KLHL13: variants seen among roughly 807,000 people sequenced by gnomAD.
The protein encoded by KLHL13 is kelch like family member 13.
A neutral mutation model predicts 37.1 loss-of-function variants in KLHL13; 10 were observed. The ratio of observed to expected loss-of-function variants is 0.27; its 90% CI spans 0.17 to 0.46. The LOEUF is 0.46. Ranked by LOEUF, KLHL13 falls within the 20% of genes least tolerant of loss-of-function variation. KLHL13 has a pLI of 1.00. For synonymous variants in KLHL13, 163 were observed against 181.2 expected (o/e 0.90, Z 0.81); for missense variants, 360 against 509.3 (o/e 0.71, Z 2.82).
intron 1 of KLHL13, among the ~76,000 whole-genome samples, chrX:118,032,469 C>A (rs994780782): frequency 8.9e-6 from 1 of 111,906 alleles, no homozygotes; most frequent in African/African-American, 3.3e-5. Flanking sequence ...AGGCACCCCC[C>A]AGCAGGGGCA....
intron 1 of KLHL13, among the ~76,000 whole-genome samples, chrX:117,967,402 T>C (rs1286981186): frequency 9.0e-6 from 1 of 111,183 alleles, no homozygotes. Context: ...CCATACTTCT[T>C]TCTCATCGCT....
chrX:118,065,317 G>A (rs2054782921), intron 1 of KLHL13, among the ~76,000 whole-genome samples: 2 of 111,095 alleles, frequency 1.8e-5, no homozygotes, highest in Non-Finnish European at 3.8e-5. Flanking sequence ...AAAGGTAAAT[G>A]TATACCAACC....
At chrX:117,965,001 G>A (rs768819204) in intron 1 of KLHL13, among the ~76,000 whole-genome samples, 14 of 111,758 alleles carry the variant, frequency 1.3e-4, no homozygotes, top group African/African-American at 3.9e-4. Context: ...TGGACATTTG[G>A]GTTGGTTTCA....
intron 1 of KLHL13, among the ~76,000 whole-genome samples, chrX:117,948,611 A>G (rs1167290131): frequency 9.0e-6 from 1 of 111,639 alleles, no homozygotes; most frequent in Non-Finnish European, 1.9e-5. Context: ...AAGATTATTC[A>G]TGGGAGAGAC....
chrX:118,116,224 A>G (rs1157230189), intron 1 of KLHL13, among the ~76,000 whole-genome samples: 3 of 111,928 alleles, frequency 2.7e-5, no homozygotes, highest in Non-Finnish European at 5.6e-5. Context: ...GAGAGATGAC[A>G]AAGAAGCACA....
intron 1 of KLHL13, among the ~76,000 whole-genome samples, chrX:118,084,536 A>G (rs1030246599): frequency 8.9e-6 from 1 of 112,121 alleles, no homozygotes; most frequent in African/African-American, 3.2e-5. Context: ...CAATGAGGAT[A>G]CATTTATAAA....
chrX:117,987,289 G>T (rs1035441377), intron 1 of KLHL13, among the ~76,000 whole-genome samples: 1 of 111,463 alleles, frequency 9.0e-6, no homozygotes, highest in African/African-American at 3.3e-5. Flanking sequence ...TAAACAAAAG[G>T]AATTCATGAA....
intron 1 of KLHL13, among the ~76,000 whole-genome samples, chrX:118,062,285 G>T (rs2054750681): frequency 9.0e-6 from 1 of 110,742 alleles, no homozygotes; most frequent in South Asian, 3.8e-4. Flanking sequence ...CATTTTGAGA[G>T]TCTGTAATTT....
At chrX:117,949,582 C>T (rs758206106) in intron 1 of KLHL13, among the ~76,000 whole-genome samples, 1 of 111,848 alleles carries the variant, frequency 8.9e-6, no homozygotes, top group East Asian at 2.8e-4. Flanking sequence ...GACTCAAAAG[C>T]CACAAATAAT....
intron 5 of KLHL13, among the ~76,000 whole-genome samples, chrX:117,908,419 G>A (rs1030372640): frequency 9.2e-6 from 1 of 108,250 alleles, no homozygotes; most frequent in Non-Finnish European, 1.9e-5. Context: ...ACAGGCCCTG[G>A]TGTGTGATGT....
chrX:118,008,799 C>T (rs1343047656), intron 1 of KLHL13, among the ~76,000 whole-genome samples: 1 of 111,159 alleles, frequency 9.0e-6, no homozygotes, highest in Non-Finnish European at 1.9e-5. Flanking sequence ...TACTGTGTGG[C>T]CTTAGACAAT....
intron 1 of KLHL13, among the ~76,000 whole-genome samples, chrX:118,068,912 C>T (rs1005262975): frequency 4.5e-5 from 5 of 110,962 alleles, no homozygotes; most frequent in South Asian, 7.7e-4. Context: ...CCACTCCTTC[C>T]CCCATCCCCT....
intron 1 of KLHL13, among the ~76,000 whole-genome samples, chrX:117,986,697 T>A (rs764491425): frequency 1.8e-5 from 2 of 111,838 alleles, no homozygotes; most frequent in Non-Finnish European, 3.8e-5. Flanking sequence ...AACTCCACTT[T>A]CCTGAACTCA....
intron 4 of KLHL13, among the ~76,000 whole-genome samples, chrX:117,914,571 AG>A (rs1395761577): frequency 1.8e-5 from 2 of 111,833 alleles, no homozygotes; most frequent in African/African-American, 6.5e-5. Flanking sequence ...GAGAATGTAC[AG>A]GTATCTTTTC....
chrX:118,069,108 G>GGCACACACACACACACAC (rs1569307938), intron 1 of KLHL13, among the ~76,000 whole-genome samples: 1 of 73,280 alleles, frequency 1.4e-5, no homozygotes, highest in Non-Finnish European at 2.3e-5. Context: ...ATCCAGAAGA[G>GGCACACACACACACACAC]TCACACACAC....
At position 118,057,718 on chromosome X, in the gene KLHL13, C is replaced by T. The variant is rs773208911; in HGVS notation, c.-56+58790G>A. 1.1e-4 allele frequency among the ~76,000 whole-genome samples: 12 copies of T among 109,505 alleles called. No homozygotes were observed. In the South Asian group the frequency reaches 3.6e-3, roughly 33 times the overall value. On this transcript the variant is annotated intron_variant, in intron 1 of 6. Transcript: ENST00000371882. ...GCGGACACCTGTAGTCCCAGCCACT[C>T]GGGAGGCTGAGGCAGGAGAATGGTG... is the stretch of plus-strand genomic sequence containing the variant.
intron 1 of KLHL13, among the ~76,000 whole-genome samples, chrX:118,044,947 GACA>G (rs911758631): frequency 8.9e-5 from 10 of 111,917 alleles, no homozygotes; most frequent in African/African-American, 2.9e-4. Flanking sequence ...AAAATGAAGA[GACA>G]ACGATAGATG....
intron 2 of KLHL13, among the ~76,000 whole-genome samples, chrX:117,931,954 T>C (rs1015133526): frequency 9.0e-6 from 1 of 111,495 alleles, no homozygotes; most frequent in East Asian, 2.8e-4. Flanking sequence ...ACAACATCAA[T>C]AATAGCATTA....
intron 1 of KLHL13, among the ~76,000 whole-genome samples, chrX:118,001,481 C>A (rs1253090159): frequency 9.0e-6 from 1 of 111,714 alleles, no homozygotes; most frequent in South Asian, 3.7e-4. Context: ...AAAGATTCTA[C>A]GATTTTTAAA....
Sources: gnomAD v4.1 joint callset for allele counts (sites outside exome capture counted in the v4.1 genomes callset) on GRCh38, gnomAD v4.1.1 for gene constraint, MANE v1.5 for transcripts, NCBI Gene and HGNC (gene_info 2026-07-23, HGNC 2026-07-21) for gene names.